The following WDR36 variants were observed in gnomAD, a reference collection of about 807,000 sequenced individuals.
WDR36 encodes the protein WD repeat-containing protein 36.
WDR36 carries 63 observed loss-of-function variants against 112.7 expected under a neutral mutation model. The observed-to-expected ratio is 0.56, with a 90% CI of 0.46 to 0.69. The LOEUF (loss-of-function observed/expected upper bound fraction) is 0.69, where lower values mean the gene tolerates loss of function less well. Among genes scored for constraint, WDR36 ranks in the 30% least tolerant of loss-of-function variants. The pLI is 0.00. For missense variants in WDR36, 1,226 were observed against 1,070.3 expected (o/e 1.15, Z -2.03); for synonymous variants, 410 against 362.2 (o/e 1.13, Z -1.50).
chr5:111,096,954 T>G, intron 2 of WDR36, 125 bp from the exon 3 acceptor site: 1 of 664,926 alleles, frequency 1.5e-6, no homozygotes, highest in East Asian at 2.9e-5. Flanking sequence ...ACACTGATTC[T>G]CAACTTTGAT....
chr5:111,124,261 G>C, intron 21 of WDR36, 72 bp downstream of exon 21: 9 of 1,248,224 alleles, frequency 7.2e-6, no homozygotes, highest in Non-Finnish European at 9.1e-6. Flanking sequence ...GAAATTGAAG[G>C]AAATATCAGC....
At chr5:111,098,219 A>G (rs1281919625) in intron 3 of WDR36, among the ~76,000 whole-genome samples, 2 of 152,172 alleles carry the variant, frequency 1.3e-5, no homozygotes, top group Non-Finnish European at 2.9e-5. Context: ...AACTGAAACC[A>G]TGGAGAAGGG....
In WDR36 at chr5:111,129,672, G is replaced by A. The variant is rs1753749002; in HGVS notation, c.*2789G>A. ...CCATTTGGCTTTAATTTTACATGGT[G>A]TCTGTTTAAATAAATGTTTTATATT... On this transcript the variant is annotated 3_prime_UTR_variant, in exon 23 of 23. Coordinates refer to ENST00000513710, the MANE Select transcript of WDR36 (RefSeq NM_139281.3). The A allele has an allele frequency of 4.9e-6, 1 of 202,958 alleles. No individual in the cohort carries two copies. The highest frequency in any genetic ancestry group is 1.0e-5 in the Non-Finnish European group (1 of 99,108). 12.6% of individuals were successfully genotyped at this position (202,958 alleles called of 1,614,324 possible).
intron 15 of WDR36, 53 bp from the exon 16 acceptor site, chr5:111,113,021 A>G (rs1753372510): frequency 2.7e-6 from 1 of 374,940 alleles, no homozygotes; most frequent in Non-Finnish European, 4.0e-6. Context: ...ATTCATATAT[A>G]TTTATATATA....
chr5:111,093,962 T>G (rs1405748117), intron 1 of WDR36, among the ~76,000 whole-genome samples: 1 of 152,208 alleles, frequency 6.6e-6, no homozygotes, highest in Non-Finnish European at 1.5e-5. Context: ...TTACCCAGAC[T>G]GTACACTGCT....
intron 1 of WDR36, among the ~76,000 whole-genome samples, chr5:111,093,811 G>A (rs918758723): frequency 1.3e-5 from 2 of 152,140 alleles, no homozygotes; most frequent in Non-Finnish European, 2.9e-5. Context: ...GGTGAGGAGA[G>A]TAACATATTT....
chr5:111,125,543 A>G lies in WDR36; in HGVS notation c.2351-65A>G, dbSNP rs1753663016. 5 of 1,508,174 alleles carry G rather than the reference A, an allele frequency of 3.3e-6. No individual in the cohort carries two copies. In the Admixed American group the frequency reaches 9.5e-5, roughly 29 times the overall value. 93.4% of individuals were successfully genotyped at this position (1,508,174 alleles called of 1,614,324 possible). A position where few individuals can be genotyped will look rare whatever the true frequency, so the allele number is the denominator to read the frequency against. On this transcript the variant is annotated intron_variant, in intron 21 of 22. Transcript: ENST00000513710. ...TATATCCTATTTGGGGTATAAAAGG[A>G]AAACTGTAATTTTCTAAGTTAAATG... is the stretch of plus-strand genomic sequence containing the variant.
intron 17 of WDR36, among the ~76,000 whole-genome samples, chr5:111,120,213 A>G (rs771853732): frequency 4.6e-5 from 7 of 152,124 alleles, no homozygotes; most frequent in Non-Finnish European, 8.8e-5. Flanking sequence ...TGTCAAAACA[A>G]TATATGAAAT....
rs760093263 is a variant in WDR36 at position 111,098,785 on chromosome 5, A to G, written c.355A>G (p.Ile119Val). Residue 119 changes from isoleucine to valine, a missense_variant, in exon 4 of 23, where the codon ATT (isoleucine) becomes GTT (valine). Transcript: ENST00000513710. ...IHFLQPFGDHIISVDTDGILI... is the reference protein window; with the variant it reads ...IHFLQPFGDHVISVDTDGILI... ...TTTCTTGCAACCCTTTGGAGACCAC[A>G]TTATCTCTGTTGATACTGATGGCAT... is the stretch of plus-strand genomic sequence containing the variant. The G allele has an allele frequency of 3.1e-6, 5 of 1,612,916 alleles. No homozygotes were observed. In the South Asian group the frequency reaches 4.4e-5, roughly 14 times the overall value.
Position 111,128,086 on chromosome 5 carries a change from A to G in WDR36, c.*1203A>G, listed in dbSNP as rs2112596165. The G allele has an allele frequency of 5.1e-6, 1 of 194,560 alleles. No individual in the cohort carries two copies. The highest frequency in any genetic ancestry group is 1.8e-3 in the Middle Eastern group (1 of 562). 12.1% of individuals were successfully genotyped at this position (194,560 alleles called of 1,614,324 possible). ...TGTTTTGTTTTTTTTATGGTTCAAG[A>G]CTTTTGCAATACATGAATTAAAAAT... On this transcript the variant is annotated 3_prime_UTR_variant, in exon 23 of 23. Coordinates refer to ENST00000513710, the MANE Select transcript of WDR36 (RefSeq NM_139281.3).
chr5:111,123,936 A>G lies in WDR36; in HGVS notation c.2268+12A>G. ...ATGATCCCCAGCAGGTAAAAAACAA[A>G]TTAGAAGATTCTAAGTATATCGGTG... On this transcript the variant is annotated intron_variant, in intron 20 of 22. Transcript: ENST00000513710. 1 of 1,613,366 alleles carries G rather than the reference A, an allele frequency of 6.2e-7. No homozygotes were observed. The highest frequency in any genetic ancestry group is 8.5e-7 in the Non-Finnish European group (1 of 1,179,882).
At chr5:111,092,762 C>G in intron 1 of WDR36, 144 bp downstream of exon 1, 1 of 1,130,282 alleles carries the variant, frequency 8.8e-7, no homozygotes, top group Non-Finnish European at 1.3e-6. Flanking sequence ...ATTTCGCCAT[C>G]CGGTCACGTC....
At position 111,092,402 on chromosome 5, in the gene WDR36, G is replaced by C. The variant is rs1182797927; in HGVS notation, c.-55G>C. On this transcript the variant is annotated 5_prime_UTR_variant, in exon 1 of 23. Transcript: ENST00000513710. ...TTCCACTAGACACGCTGAAGGGACTGGGTACGTGTTTTCCTTCAGGACCAG... is the reference window on the plus strand; with the variant it reads ...TTCCACTAGACACGCTGAAGGGACTCGGTACGTGTTTTCCTTCAGGACCAG... The C allele has an allele frequency of 1.9e-6, 3 of 1,614,128 alleles. No homozygotes were observed. In the African/African-American group the frequency reaches 4.0e-5, roughly 22 times the overall value.
At chr5:111,096,938 T>C (rs1225487684) in intron 2 of WDR36, 141 bp from the exon 3 acceptor site, 5 of 618,152 alleles carry the variant, frequency 8.1e-6, no homozygotes, top group Non-Finnish European at 1.1e-5. Flanking sequence ...TTAGTTAAAA[T>C]TTTATACACT....
At chr5:111,115,597 A>G (rs1019860273) in intron 16 of WDR36, among the ~76,000 whole-genome samples, 2 of 152,182 alleles carry the variant, frequency 1.3e-5, no homozygotes, top group African/African-American at 4.8e-5. Context: ...AAAAAACATA[A>G]TTAGTATGAC....
chr5:111,123,250 T>C (rs978583079), intron 19 of WDR36, among the ~76,000 whole-genome samples: 11 of 152,218 alleles, frequency 7.2e-5, no homozygotes, highest in Non-Finnish European at 1.3e-4. Context: ...AATCATGTTT[T>C]CTTGAATTTT....
Position 111,092,383 on chromosome 5 carries a change from T to C in WDR36, c.-74T>C, listed in dbSNP as rs765795863. 1.9e-5 allele frequency: 31 copies of C among 1,614,222 alleles called. No individual in the cohort carries two copies. The highest frequency in any genetic ancestry group is 2.6e-5 in the Non-Finnish European group (31 of 1,180,038). On this transcript the variant is annotated 5_prime_UTR_variant, in exon 1 of 23. Transcript: ENST00000513710. ...CAGCTCTGGCAGAGGACTGTTCCAC[T>C]AGACACGCTGAAGGGACTGGGTACG...
At chr5:111,119,170 CAGAG>C in intron 17 of WDR36, 50 bp downstream of exon 17, 1 of 1,456,804 alleles carries the variant, frequency 6.9e-7, no homozygotes, top group Non-Finnish European at 9.6e-7. Context: ...ATTGTATTGT[CAGAG>C]AGTTAGAGTT....
intron 21 of WDR36, 92 bp downstream of exon 21, chr5:111,124,281 AGTT>A: frequency 9.5e-7 from 1 of 1,049,220 alleles, no homozygotes; most frequent in Non-Finnish European, 1.4e-6. Context: ...CGTTCTCAGT[AGTT>A]AAGATAGTAA....
Sources: allele counts gnomAD v4.1 joint callset (sites outside exome capture counted in the v4.1 genomes callset), GRCh38; gene constraint gnomAD v4.1.1; transcripts MANE v1.5; gene names NCBI Gene and HGNC (gene_info 2026-07-23, HGNC 2026-07-21).